The following CCDC149 variants were observed in gnomAD, a reference collection of about 807,000 sequenced individuals.
The protein encoded by CCDC149 is coiled-coil domain-containing protein 149.
In CCDC149, 45 loss-of-function variants were observed where a neutral mutation model predicts 59.9. The ratio of observed to expected loss-of-function variants is 0.75; its 90% CI spans 0.59 to 0.96. The LOEUF (loss-of-function observed/expected upper bound fraction) is 0.96. Among genes scored for constraint, CCDC149 ranks in the 40% least tolerant of loss-of-function variants. CCDC149 has a pLI of 0.00. For missense variants in CCDC149, 584 were observed against 664.7 expected, an observed-to-expected ratio of 0.88 and a Z score of 1.33; for synonymous variants, 245 against 260.6, an observed-to-expected ratio of 0.94 and a Z score of 0.58.
chr4:24,962,928 G>GA (rs113339309), intron 1 of CCDC149, among the ~76,000 whole-genome samples: 86,181 of 148,076 alleles, frequency 0.58, 25,871 homozygotes, highest in Non-Finnish European at 0.66. Flanking sequence ...TTTGTAAAGT[G>GA]AAAAAAAAGA....
intron 1 of CCDC149, among the ~76,000 whole-genome samples, chr4:24,975,242 CA>C (rs1391407011): frequency 2.7e-5 from 4 of 149,590 alleles, no homozygotes; most frequent in Admixed American, 1.3e-4. Flanking sequence ...GTTATAGCAG[CA>C]CAAAACAGAC....
intron 1 of CCDC149, among the ~76,000 whole-genome samples, chr4:24,896,749 C>T (rs1263027865): frequency 2.0e-5 from 3 of 151,856 alleles, no homozygotes; most frequent in Non-Finnish European, 4.4e-5. Context: ...ATTTGACTTA[C>T]TACCTTGAAA....
At chr4:24,876,418 T>G in intron 2 of CCDC149, 118 bp downstream of exon 2, 2 of 1,153,416 alleles carry the variant, frequency 1.7e-6, no homozygotes, top group Middle Eastern at 2.1e-4. Flanking sequence ...TACTTCTAAA[T>G]TTTTCCACTT....
At chr4:24,850,949 T>A (rs1170079022) in intron 4 of CCDC149, among the ~76,000 whole-genome samples, 1 of 151,968 alleles carries the variant, frequency 6.6e-6, no homozygotes, top group Non-Finnish European at 1.5e-5. Context: ...TCTCTGGGGC[T>A]TACTGCAGTT....
At chr4:24,849,846 TCA>T (rs1197078270) in intron 4 of CCDC149, among the ~76,000 whole-genome samples, 1 of 152,230 alleles carries the variant, frequency 6.6e-6, no homozygotes, top group Non-Finnish European at 1.5e-5. Flanking sequence ...CTGTTTGGCC[TCA>T]GAGTTAGGCG....
intron 1 of CCDC149, among the ~76,000 whole-genome samples, chr4:24,888,930 G>C (rs1473031150): frequency 4.0e-5 from 6 of 148,718 alleles, no homozygotes; most frequent in African/African-American, 7.4e-5. Flanking sequence ...TTTTTTTTAT[G>C]ATCTATCTTT....
chr4:24,882,824 GA>G (rs1441909721), intron 1 of CCDC149, among the ~76,000 whole-genome samples: 3 of 152,146 alleles, frequency 2.0e-5, no homozygotes, highest in Non-Finnish European at 4.4e-5. Context: ...TTTTTTATTG[GA>G]AACTCACCCT....
At chr4:24,957,478 C>T (rs1228139044) in intron 1 of CCDC149, among the ~76,000 whole-genome samples, 1 of 152,208 alleles carries the variant, frequency 6.6e-6, no homozygotes, top group Admixed American at 6.5e-5. Context: ...GGGACCACCA[C>T]CATAGTACAA....
At chr4:24,811,581 A>G (rs1251241299) in intron 12 of CCDC149, among the ~76,000 whole-genome samples, 1 of 152,156 alleles carries the variant, frequency 6.6e-6, no homozygotes, top group African/African-American at 2.4e-5. Flanking sequence ...GTCCAAAAAA[A>G]TTTCACTGGG....
chr4:24,925,289 T>G (rs1217919092), intron 1 of CCDC149, among the ~76,000 whole-genome samples: 1 of 152,022 alleles, frequency 6.6e-6, no homozygotes, highest in Admixed American at 6.6e-5. Context: ...TCTTTGGGAG[T>G]TTTTCTTCAT....
At chr4:24,908,267 G>A (rs1374665199) in intron 1 of CCDC149, among the ~76,000 whole-genome samples, 1 of 152,126 alleles carries the variant, frequency 6.6e-6, no homozygotes, top group Non-Finnish European at 1.5e-5. Context: ...TTTGTACCAA[G>A]AGAAAGGCAG....
intron 1 of CCDC149, among the ~76,000 whole-genome samples, chr4:24,902,038 T>C (rs1721200450): frequency 6.6e-6 from 1 of 152,214 alleles, no homozygotes; most frequent in Non-Finnish European, 1.5e-5. Context: ...AGGTTACATA[T>C]GGTCCCTACT....
chr4:24,817,683 C>A (rs1410993079), intron 12 of CCDC149, among the ~76,000 whole-genome samples: 7 of 151,698 alleles, frequency 4.6e-5, no homozygotes, highest in Non-Finnish European at 7.4e-5. Flanking sequence ...CTCAGCAAGG[C>A]TCCCTCATCC....
In CCDC149 at chr4:24,808,570, G is replaced by A. The variant is rs374465336; in HGVS notation, c.1442C>T (p.Pro481Leu). ...CGTCTCACTCCTCTGACCTTCTATG[G>A]GACTCTCTCTTCTGACCTCTTCCAG... is the stretch of plus-strand genomic sequence containing the variant. The change falls in exon 13 of 13, where the codon CCC (proline) becomes CTC (leucine). Residue 481 changes from proline (P) to leucine (L), a missense_variant. Transcript: ENST00000635206. 7.9e-5 allele frequency: 123 copies of A among 1,551,710 alleles called. No individual in the cohort carries two copies. In the African/African-American group the frequency reaches 1.3e-3, roughly 16 times the overall value.
rs1182129228 is a variant in CCDC149, at chr4:24,821,083, C to A, written c.1047G>T (p.Leu349=). Residue 349 remains leucine, a synonymous_variant, in exon 11 of 13, where the codon CTG becomes CTT. Transcript: ENST00000635206. ...CAAATCCTACTGAAACATTGTAGCT[C>A]AGGCCTTCAGGCAGCAAAAAGAAAA... 1.6e-6 allele frequency: 2 copies of A among 1,231,078 alleles called. No homozygotes were observed. Among genetic ancestry groups the A allele is most frequent in the African/African-American group, 3.1e-5 (2 of 64,368 alleles). 76.3% of individuals were successfully genotyped at this position (1,231,078 alleles called of 1,614,324 possible). A position where few individuals can be genotyped will look rare whatever the true frequency, so the allele number is the denominator to read the frequency against.
At chr4:24,978,768 C>T (rs1180139104) in intron 1 of CCDC149, among the ~76,000 whole-genome samples, 2 of 152,142 alleles carry the variant, frequency 1.3e-5, no homozygotes, top group East Asian at 3.8e-4. Flanking sequence ...GAAATGCTGG[C>T]AATTTTGCCA....
At chr4:24,865,358 TG>T (rs1718634682) in intron 3 of CCDC149, among the ~76,000 whole-genome samples, 2 of 151,962 alleles carry the variant, frequency 1.3e-5, no homozygotes, top group Non-Finnish European at 2.9e-5. Flanking sequence ...TCTTGAGAGG[TG>T]TGATTGACAG....
chr4:24,909,058 C>T lies in CCDC149; in HGVS notation c.63+3759G>A, dbSNP rs187172947. Among the ~76,000 whole-genome samples, 222 of 152,274 alleles carry T rather than the reference C, an allele frequency of 1.5e-3. 1 individual carries two copies. Among genetic ancestry groups the T allele is most frequent in the African/African-American group, 5.0e-3 (206 of 41,554 alleles). ...GAACCCTGGTCATGCTTCTTTCACA[C>T]GCATGGGTGTGTTTACTTCCAGGCC... On this transcript the variant is annotated intron_variant, in intron 1 of 12. Transcript: ENST00000635206.
At chr4:24,925,362 T>C (rs1722409708) in intron 1 of CCDC149, among the ~76,000 whole-genome samples, 1 of 152,188 alleles carries the variant, frequency 6.6e-6, no homozygotes, top group South Asian at 2.1e-4. Flanking sequence ...CAGTATGCAA[T>C]TGAATAGCCT....
Sources: gnomAD v4.1 joint callset for allele counts (sites outside exome capture counted in the v4.1 genomes callset) on GRCh38, gnomAD v4.1.1 for gene constraint, MANE v1.5 for transcripts, NCBI Gene and HGNC (gene_info 2026-07-23, HGNC 2026-07-21) for gene names.